Variants in ARHGAP15 observed in about 807,000 individuals in gnomAD.
ARHGAP15 encodes Rho GTPase activating protein 15.
Under a neutral mutation model 63.7 loss-of-function variants are expected in ARHGAP15, and 51 were observed. The observed-to-expected ratio is 0.80, with a 90% CI of 0.64 to 1.01. ARHGAP15 has a LOEUF of 1.01. Ranked by LOEUF, ARHGAP15 falls within the 50% of genes least tolerant of loss-of-function variation. The pLI is 0.00. For synonymous variants in ARHGAP15, 191 were observed against 193.8 expected (o/e 0.99, Z 0.12); for missense variants, 560 against 564.6 (o/e 0.99, Z 0.08).
rs538412265 is a variant in ARHGAP15 at position 143,482,976 on chromosome 2, C to T, written c.704-4397C>T. ...TACGGCATCAGGAAATGGAAGTTGA[C>T]GTTCTAGTCTGTCTCCAGGAAAGTA... On this transcript the variant is annotated intron_variant, in intron 8 of 13. Transcript: ENST00000295095. Among the ~76,000 whole-genome samples, 3 of 152,262 alleles carry T rather than the reference C, an allele frequency of 2.0e-5. No homozygotes were observed. In the East Asian group the frequency reaches 5.8e-4, roughly 29 times the overall value.
chr2:143,700,964 G>A (rs953868552), intron 12 of ARHGAP15, among the ~76,000 whole-genome samples: 1 of 152,084 alleles, frequency 6.6e-6, no homozygotes, highest in Non-Finnish European at 1.5e-5. Flanking sequence ...ATGAGGTCTG[G>A]TATAGGCTAT....
chr2:143,656,048 C>T (rs570950715), intron 12 of ARHGAP15: 1 of 152,106 alleles, frequency 6.6e-6, no homozygotes, highest in Non-Finnish European at 1.5e-5. Context: ...TTCTGGATGG[C>T]AGTTGCTTAT....
chr2:143,314,877 T>A (rs1251591771), intron 6 of ARHGAP15, among the ~76,000 whole-genome samples: 1 of 152,202 alleles, frequency 6.6e-6, no homozygotes, highest in Admixed American at 6.5e-5. Context: ...GTTAAAACAC[T>A]TTGACAAATC....
chr2:143,550,931 T>C (rs1695534008), intron 10 of ARHGAP15, among the ~76,000 whole-genome samples: 1 of 152,070 alleles, frequency 6.6e-6, no homozygotes, highest in Non-Finnish European at 1.5e-5. Context: ...TAAGAGTAAA[T>C]ATACTGCTTT....
At chr2:143,706,014 T>C (rs989011257) in intron 13 of ARHGAP15, among the ~76,000 whole-genome samples, 7 of 152,194 alleles carry the variant, frequency 4.6e-5, no homozygotes, top group African/African-American at 1.7e-4. Context: ...CAGATTATTA[T>C]ATCACTTCAC....
At chr2:143,229,431 T>C (rs1205862971) in intron 5 of ARHGAP15, among the ~76,000 whole-genome samples, 1 of 152,154 alleles carries the variant, frequency 6.6e-6, no homozygotes, top group Non-Finnish European at 1.5e-5. Flanking sequence ...CACATATACC[T>C]ACAAAGATTT....
At chr2:143,305,455 C>T (rs1379882668) in intron 6 of ARHGAP15, 2 of 151,958 alleles carry the variant, frequency 1.3e-5, no homozygotes, top group Admixed American at 6.6e-5. Context: ...ACATGTATCC[C>T]AGAACCTATA....
At chr2:143,605,857 A>C (rs12992043) in intron 11 of ARHGAP15, among the ~76,000 whole-genome samples, 1 of 70,526 alleles carries the variant, frequency 1.4e-5, no homozygotes, top group Non-Finnish European at 2.6e-5. Context: ...CTACTAAAAT[A>C]CAAAAAAAAA....
intron 8 of ARHGAP15, among the ~76,000 whole-genome samples, chr2:143,449,989 ATTCAC>A (rs1488369569): frequency 2.6e-5 from 4 of 151,784 alleles, no homozygotes; most frequent in Admixed American, 2.0e-4. Flanking sequence ...TAGTGCCTAG[ATTCAC>A]TTCACTTATT....
intron 6 of ARHGAP15, among the ~76,000 whole-genome samples, chr2:143,343,163 G>A (rs373317275): frequency 9.9e-5 from 15 of 152,094 alleles, no homozygotes; most frequent in East Asian, 3.9e-4. Flanking sequence ...GATAAACCCC[G>A]CACTGGTTAA....
intron 13 of ARHGAP15, among the ~76,000 whole-genome samples, chr2:143,710,668 T>C (rs754735936): frequency 5.6e-4 from 86 of 152,220 alleles, no homozygotes; most frequent in Admixed American, 7.9e-4. Context: ...GTCTCTATTG[T>C]TAAGTGATGG....
intron 11 of ARHGAP15, among the ~76,000 whole-genome samples, chr2:143,600,170 A>G (rs903479936): frequency 2.0e-5 from 3 of 152,188 alleles, no homozygotes; most frequent in African/African-American, 7.2e-5. Context: ...GACACATACT[A>G]TGCTGTAGAC....
At chr2:143,728,703 A>T (rs1173756140) in intron 13 of ARHGAP15, among the ~76,000 whole-genome samples, 2 of 152,116 alleles carry the variant, frequency 1.3e-5, no homozygotes, top group Non-Finnish European at 2.9e-5. Context: ...GTTCCTGTGT[A>T]CAGTAAGTGT....
intron 13 of ARHGAP15, among the ~76,000 whole-genome samples, chr2:143,712,519 T>TGTGAACCCAGAAGAGAGACAAGG (rs1684627156): frequency 2.0e-5 from 3 of 152,148 alleles, no homozygotes; most frequent in African/African-American, 7.2e-5. Flanking sequence ...CAAGGGACCG[T>TGTGAACCCAGAAGAGAGACAAGG]GTGAACCCAG....
intron 12 of ARHGAP15, among the ~76,000 whole-genome samples, chr2:143,664,630 C>A (rs1332035333): frequency 6.6e-6 from 1 of 151,582 alleles, no homozygotes; most frequent in African/African-American, 2.4e-5. Context: ...AATCCAGGAG[C>A]TGGTTTTTTG....
intron 10 of ARHGAP15, among the ~76,000 whole-genome samples, chr2:143,523,205 T>A (rs1281419808): frequency 1.3e-5 from 2 of 152,082 alleles, no homozygotes; most frequent in Non-Finnish European, 2.9e-5. Context: ...CAGCTGATAA[T>A]ACAGAGGAGA....
chr2:143,610,990 A>G (rs576489629), intron 11 of ARHGAP15, among the ~76,000 whole-genome samples: 1 of 152,192 alleles, frequency 6.6e-6, no homozygotes, highest in East Asian at 1.9e-4. Context: ...TGGCCTCCCA[A>G]AGTTCTAGGA....
chr2:143,378,198 G>T lies in ARHGAP15; in HGVS notation c.475-57403G>T, dbSNP rs1686898685. 2.6e-5 allele frequency among the ~76,000 whole-genome samples: 4 copies of T among 152,008 alleles called. No homozygotes were observed. The South Asian group carries it at 8.3e-4, about 31-fold the overall frequency. On this transcript the variant is annotated intron_variant, in intron 6 of 13. Transcript: ENST00000295095. Reference sequence around the variant, plus strand: ...ATAGTGGCTAATGTGATTAGCACTTGTGAAAATAAGGTCATAAAGCACAAT... The same window carrying T: ...ATAGTGGCTAATGTGATTAGCACTTTTGAAAATAAGGTCATAAAGCACAAT...
intron 6 of ARHGAP15, among the ~76,000 whole-genome samples, chr2:143,406,818 C>T (rs1397182929): frequency 1.3e-5 from 2 of 151,782 alleles, no homozygotes; most frequent in Non-Finnish European, 2.9e-5. Context: ...GCAATGAACA[C>T]CATGGTCATT....
Sources: gnomAD v4.1 joint callset for allele counts (sites outside exome capture counted in the v4.1 genomes callset) on GRCh38, gnomAD v4.1.1 for gene constraint, MANE v1.5 for transcripts, NCBI Gene and HGNC (gene_info 2026-07-23, HGNC 2026-07-21) for gene names.